DPP10: variants seen among roughly 807,000 people sequenced by gnomAD.
DPP10 encodes inactive dipeptidyl peptidase 10.
In DPP10, 33 loss-of-function variants were observed where a neutral mutation model predicts 120.9. That is an observed-to-expected ratio of 0.27 (90% CI 0.21 to 0.37). DPP10 has a LOEUF of 0.37. Ranked by LOEUF, DPP10 falls within the 10% of genes least tolerant of loss-of-function variation. The pLI is 1.00. For synonymous variants in DPP10, 337 were observed against 326.1 expected (o/e 1.03, Z -0.36); for missense variants, 816 against 942.8 (o/e 0.87, Z 1.76).
intron 1 of DPP10, among the ~76,000 whole-genome samples, chr2:114,986,276 A>AAAACTG (rs1453460647): frequency 6.6e-6 from 1 of 152,232 alleles, no homozygotes; most frequent in Non-Finnish European, 1.5e-5. Context: ...AGATGTGAGA[A>AAAACTG]AAACTGAAAC....
intron 9 of DPP10, among the ~76,000 whole-genome samples, chr2:115,743,259 C>A (rs1575654198): frequency 6.6e-6 from 1 of 152,062 alleles, no homozygotes; most frequent in Admixed American, 6.6e-5. Flanking sequence ...AGATACAAAT[C>A]TGTGATTAGA....
intron 1 of DPP10, among the ~76,000 whole-genome samples, chr2:114,673,645 C>A (rs1041821576): frequency 2.6e-5 from 4 of 151,618 alleles, no homozygotes; most frequent in Admixed American, 6.6e-5. Context: ...TAGTAGAGAT[C>A]GGGTTTCACC....
chr2:115,235,318 A>T (rs2057942901), intron 1 of DPP10, among the ~76,000 whole-genome samples: 1 of 152,146 alleles, frequency 6.6e-6, no homozygotes, highest in Non-Finnish European at 1.5e-5. Flanking sequence ...ACTTTGCCTC[A>T]TTTATTGATT....
At chr2:114,535,500 A>G (rs1366595328) in intron 1 of DPP10, among the ~76,000 whole-genome samples, 1 of 152,118 alleles carries the variant, frequency 6.6e-6, no homozygotes, top group Non-Finnish European at 1.5e-5. Context: ...TATTAATCCC[A>G]TTGCACCCCC....
In DPP10 at chr2:115,261,357, A is replaced by G. The variant is rs564816248; in HGVS notation, c.61-47882A>G. ...GATCGTTTCCAGTTTGAGGATTCCT[A>G]GTGCACAATCAGTGAATGTTGTATG... On this transcript the variant is annotated intron_variant, in intron 1 of 25. Coordinates refer to ENST00000410059, the MANE Select transcript of DPP10 (RefSeq NM_020868.6). 3.9e-5 allele frequency among the ~76,000 whole-genome samples: 6 copies of G among 152,316 alleles called. No homozygotes were observed. In the East Asian group the frequency reaches 7.7e-4, roughly 20 times the overall value.
intron 1 of DPP10, among the ~76,000 whole-genome samples, chr2:114,971,658 A>G (rs1490829311): frequency 6.6e-6 from 1 of 152,216 alleles, no homozygotes; most frequent in Non-Finnish European, 1.5e-5. Context: ...AATGGAGAGA[A>G]AGATGCCATA....
At chr2:115,791,250 A>G (rs756850360) in intron 18 of DPP10, 37 bp from the exon 19 acceptor site, 2 of 1,603,292 alleles carry the variant, frequency 1.2e-6, no homozygotes, top group South Asian at 2.2e-5. Flanking sequence ...CCTGCAAATG[A>G]CTCTCCATCT....
chr2:115,326,955 G>T (rs1420551319), intron 2 of DPP10, among the ~76,000 whole-genome samples: 5 of 151,962 alleles, frequency 3.3e-5, no homozygotes, highest in Non-Finnish European at 5.9e-5. Context: ...CTACAGTAGT[G>T]TGCAGTAATA....
Position 114,442,916 on chromosome 2 carries a change from G to A in DPP10, c.60+78G>A, listed in dbSNP as rs1677738297. 6 of 1,560,712 alleles carry A rather than the reference G, an allele frequency of 3.8e-6. No individual in the cohort carries two copies. The South Asian group carries it at 5.7e-5, about 15-fold the overall frequency. The stretch of plus-strand genomic sequence containing the variant: ...CTAACACATGGGCATTGATATATCG[G>A]GGTACTGACAGTGGACATACCTACT... On this transcript the variant is annotated intron_variant, in intron 1 of 25. Transcript: ENST00000410059.
chr2:115,778,612 AT>A (rs1160875954), intron 15 of DPP10, among the ~76,000 whole-genome samples: 2 of 152,112 alleles, frequency 1.3e-5, no homozygotes, highest in Non-Finnish European at 2.9e-5. Context: ...CAAAACTGCC[AT>A]GACATATTCT....
chr2:114,820,142 G>C (rs1406492242), intron 1 of DPP10, among the ~76,000 whole-genome samples: 1 of 152,142 alleles, frequency 6.6e-6, no homozygotes, highest in African/African-American at 2.4e-5. Context: ...CAAGAATAGA[G>C]GGAATTAGTT....
intron 1 of DPP10, among the ~76,000 whole-genome samples, chr2:115,254,939 GC>G (rs2058916394): frequency 6.6e-6 from 1 of 152,112 alleles, no homozygotes; most frequent in South Asian, 2.1e-4. Flanking sequence ...CTTTACAGGT[GC>G]CCAGTTCAAG....
intron 1 of DPP10, among the ~76,000 whole-genome samples, chr2:114,499,383 T>G (rs115262347): frequency 1.3e-5 from 2 of 152,292 alleles, no homozygotes; most frequent in Non-Finnish European, 2.9e-5. Flanking sequence ...CTCTTCACAT[T>G]TATAATAACG....
At chr2:115,459,540 A>T (rs535244239) in intron 3 of DPP10, among the ~76,000 whole-genome samples, 1 of 151,950 alleles carries the variant, frequency 6.6e-6, no homozygotes, top group Non-Finnish European at 1.5e-5. Flanking sequence ...ATTGATCTCA[A>T]TTTTTTTCAT....
At chr2:114,443,212 T>C (rs888030254) in intron 1 of DPP10, among the ~76,000 whole-genome samples, 42 of 152,332 alleles carry the variant, frequency 2.8e-4, no homozygotes, top group African/African-American at 9.9e-4. Context: ...ACAAATCTGA[T>C]AACAGGATTT....
chr2:115,132,130 G>C (rs1421522434), intron 1 of DPP10, among the ~76,000 whole-genome samples: 1 of 152,030 alleles, frequency 6.6e-6, no homozygotes, highest in Non-Finnish European at 1.5e-5. Flanking sequence ...GGAATTTGTT[G>C]TAAGAGTTAA....
At chr2:114,662,590 T>C (rs1245302000) in intron 1 of DPP10, among the ~76,000 whole-genome samples, 1 of 151,924 alleles carries the variant, frequency 6.6e-6, no homozygotes. Flanking sequence ...AGGGCGCCGT[T>C]CTTCCCTGAG....
intron 3 of DPP10, among the ~76,000 whole-genome samples, chr2:115,480,273 GAATT>G (rs1202264414): frequency 6.6e-6 from 1 of 152,064 alleles, no homozygotes; most frequent in Non-Finnish European, 1.5e-5. Flanking sequence ...GTAAATATAA[GAATT>G]AAATGAGATA....
At chr2:114,933,941 A>G (rs1696267595) in intron 1 of DPP10, among the ~76,000 whole-genome samples, 1 of 152,208 alleles carries the variant, frequency 6.6e-6, no homozygotes, top group African/African-American at 2.4e-5. Flanking sequence ...AAGGAAGGAA[A>G]TGTAACACTG....
Sources: allele counts gnomAD v4.1 joint callset (sites outside exome capture counted in the v4.1 genomes callset), GRCh38; gene constraint gnomAD v4.1.1; transcripts MANE v1.5; gene names NCBI Gene and HGNC (gene_info 2026-07-23, HGNC 2026-07-21).